Variants in DIPK1A observed in about 807,000 individuals in gnomAD.
DIPK1A encodes divergent protein kinase domain 1A.
In DIPK1A, 27 loss-of-function variants were observed where a neutral mutation model predicts 40.8. The ratio of observed to expected loss-of-function variants is 0.66; its 90% CI spans 0.49 to 0.91. The LOEUF is 0.91. Ranked by LOEUF, DIPK1A falls within the 40% of genes least tolerant of loss-of-function variation. The pLI is 0.00. For synonymous variants in DIPK1A, 166 were observed against 171.3 expected (o/e 0.97, Z 0.24); for missense variants, 412 against 505.7 (o/e 0.81, Z 1.78).
At chr1:92,940,709 A>G (rs1419766986) in intron 1 of DIPK1A, among the ~76,000 whole-genome samples, 1 of 152,224 alleles carries the variant, frequency 6.6e-6, no homozygotes, top group Non-Finnish European at 1.5e-5. Context: ...CATAAGTTTA[A>G]ATAGTTGCAA....
Position 92,842,867 on chromosome 1 carries a change from C to CTT in DIPK1A, c.*514_*515dup. On this transcript the variant is annotated 3_prime_UTR_variant, in exon 5 of 5. Coordinates refer to ENST00000370310, the MANE Select transcript of DIPK1A (RefSeq NM_001006605.5). Reference sequence around the variant, plus strand: ...TGAGGTTAAAAATGGGTGTATAAGTCTTTAATACAGTAAACCATGCTATTA... The same window carrying CTT: ...TGAGGTTAAAAATGGGTGTATAAGTCTTTTTAATACAGTAAACCATGCTATTA... The CTT allele has an allele frequency of 1.0e-6, 1 of 985,776 alleles. No homozygotes were observed. Among genetic ancestry groups the CTT allele is most frequent in the Non-Finnish European group, 1.2e-6 (1 of 830,156 alleles). The allele number at this position is 985,776 out of a possible 1,614,324, so 61.1% of individuals were successfully genotyped here.
At chr1:92,927,887 T>A (rs1437235222) in intron 1 of DIPK1A, among the ~76,000 whole-genome samples, 1 of 152,238 alleles carries the variant, frequency 6.6e-6, no homozygotes, top group Non-Finnish European at 1.5e-5. Context: ...GTTTCCACTT[T>A]TTTACTATTT....
At chr1:92,920,578 A>C (rs1051943842) in intron 1 of DIPK1A, among the ~76,000 whole-genome samples, 14 of 152,252 alleles carry the variant, frequency 9.2e-5, no homozygotes, top group African/African-American at 3.4e-4. Flanking sequence ...TGGAGGTGAT[A>C]CAGGCAGAGG....
At position 92,843,589 on chromosome 1, in the gene DIPK1A, G is replaced by A; in HGVS notation, c.1081C>T (p.Pro361Ser). ...AACTGACAAGCTTTTGCCAAGTTTG[G>A]TTGTATCACTTCTGAAGTACACTTC... ...TMKCTSEVIQ[P>S]NLAKACQLLK... Residue 361 changes from proline to serine, a missense_variant, in exon 5 of 5, where the codon CCA becomes TCA. Pro to Ser is a moderately conservative substitution (Grantham distance 74). Transcript: ENST00000370310. 2 of 1,551,968 alleles carry A rather than the reference G, an allele frequency of 1.3e-6. No homozygotes were observed. The highest frequency in any genetic ancestry group is 1.7e-6 in the Non-Finnish European group (2 of 1,147,052).
At chr1:92,883,818 C>T (rs1036397163) in intron 1 of DIPK1A, among the ~76,000 whole-genome samples, 28 of 152,166 alleles carry the variant, frequency 1.8e-4, no homozygotes, top group African/African-American at 6.5e-4. Flanking sequence ...AAGGGCATGA[C>T]TACTAGTAGG....
intron 1 of DIPK1A, among the ~76,000 whole-genome samples, chr1:92,914,954 G>A (rs1649993087): frequency 6.6e-6 from 1 of 151,818 alleles, no homozygotes; most frequent in South Asian, 2.1e-4. Context: ...CAGGAGTGGT[G>A]GTGCACACCT....
chr1:92,837,430 C>T (rs767076160), downstream of DIPK1A: 3 of 1,600,766 alleles, frequency 1.9e-6, no homozygotes, highest in Admixed American at 1.7e-5. Context: ...TGAGTCTATA[C>T]TAAAATATGA....
At position 92,900,530 on chromosome 1, in the gene DIPK1A, CTG is replaced by C. The variant is rs1649365507; in HGVS notation, c.55-24102_55-24101del. The stretch of plus-strand genomic sequence containing the variant: ...TTGTTTTCCTGATTTCATTGTCTAT[CTG>C]TATTTTCTTGTATTGTATCTCAATG... On this transcript the variant is annotated intron_variant, in intron 1 of 4. Transcript: ENST00000370310. Among the ~76,000 whole-genome samples the C allele has an allele frequency of 6.6e-5, 10 of 152,232 alleles. No individual in the cohort carries two copies. The South Asian group carries it at 2.1e-3, about 32-fold the overall frequency.
chr1:92,903,152 C>T (rs1328946343), intron 1 of DIPK1A, among the ~76,000 whole-genome samples: 1 of 152,010 alleles, frequency 6.6e-6, no homozygotes, highest in Non-Finnish European at 1.5e-5. Context: ...CTCAGGTGAT[C>T]CTCCCACCTC....
At chr1:92,872,413 T>C (rs904280831) in intron 2 of DIPK1A, among the ~76,000 whole-genome samples, 2 of 152,108 alleles carry the variant, frequency 1.3e-5, no homozygotes, top group African/African-American at 2.4e-5. Flanking sequence ...CAATTCTCTG[T>C]TGAAATTCTC....
chr1:92,946,127 G>C (rs1046988170), intron 1 of DIPK1A, among the ~76,000 whole-genome samples: 50 of 152,222 alleles, frequency 3.3e-4, no homozygotes, highest in African/African-American at 1.1e-3. Context: ...AAATAACAAG[G>C]GGCAATTGTT....
intron 2 of DIPK1A, among the ~76,000 whole-genome samples, chr1:92,863,464 G>A (rs1647372876): frequency 6.6e-6 from 1 of 150,932 alleles, no homozygotes; most frequent in Admixed American, 6.7e-5. Flanking sequence ...GGCAGTGGTG[G>A]CTCATGCCTA....
At chr1:92,911,795 G>A (rs1649835303) in intron 1 of DIPK1A, among the ~76,000 whole-genome samples, 1 of 152,008 alleles carries the variant, frequency 6.6e-6, no homozygotes, top group African/African-American at 2.4e-5. Flanking sequence ...GAGGTCAGGA[G>A]TTTGAGACCA....
intron 1 of DIPK1A, among the ~76,000 whole-genome samples, chr1:92,938,441 G>A (rs34398175): frequency 0.35 from 51,397 of 146,620 alleles, 9,343 homozygotes; most frequent in African/African-American, 0.39. Context: ...CTGCACTCCA[G>A]CCTGGGCAAC....
At chr1:92,864,859 G>A (rs1647457940) in intron 2 of DIPK1A, among the ~76,000 whole-genome samples, 1 of 151,938 alleles carries the variant, frequency 6.6e-6, no homozygotes, top group African/African-American at 2.4e-5. Flanking sequence ...GGCCAACATG[G>A]CAAAATCCTG....
intron 1 of DIPK1A, among the ~76,000 whole-genome samples, chr1:92,892,710 A>G (rs1648951640): frequency 6.6e-6 from 1 of 152,142 alleles, no homozygotes; most frequent in South Asian, 2.1e-4. Flanking sequence ...TCCGAGCTAA[A>G]GGAGGAAGTT....
intron 3 of DIPK1A, among the ~76,000 whole-genome samples, chr1:92,849,295 C>T (rs538034051): frequency 1.3e-5 from 2 of 151,424 alleles, no homozygotes; most frequent in South Asian, 2.1e-4. Flanking sequence ...CCTCCTGTCC[C>T]TCTGGAATCA....
At chr1:92,835,237 T>G in intron 4 of DIPK1A, 1 of 416,504 alleles carries the variant, frequency 2.4e-6, no homozygotes, top group Admixed American at 3.6e-5. Context: ...CCCTTGCTAC[T>G]TAGGTATACA....
intron 1 of DIPK1A, among the ~76,000 whole-genome samples, chr1:92,947,427 CA>C (rs1651419248): frequency 6.6e-6 from 1 of 151,740 alleles, no homozygotes; most frequent in Non-Finnish European, 1.5e-5. Flanking sequence ...TGGCTATTAC[CA>C]AAAAGACAAA....
Sources: gnomAD v4.1 joint callset for allele counts (sites outside exome capture counted in the v4.1 genomes callset) on GRCh38, gnomAD v4.1.1 for gene constraint, MANE v1.5 for transcripts, NCBI Gene and HGNC (gene_info 2026-07-23, HGNC 2026-07-21) for gene names.